The following LAMA1 variants were observed in gnomAD, a reference collection of about 807,000 sequenced individuals.
LAMA1 encodes the protein laminin subunit alpha-1.
Under a neutral mutation model 348.7 loss-of-function variants are expected in LAMA1, and 219 were observed. The observed-to-expected ratio is 0.63, with a 90% CI of 0.56 to 0.70. The LOEUF is 0.70. Ranked by LOEUF, LAMA1 falls within the 30% of genes least tolerant of loss-of-function variation. The pLI, the probability that LAMA1 is intolerant of heterozygous loss-of-function variation, is 0.00. For synonymous variants in LAMA1, 1,487 were observed against 1,491.0 expected (o/e 1.00, Z 0.06); for missense variants, 3,744 against 3,888.0 (o/e 0.96, Z 0.99).
At chr18:7,078,280 C>T (rs1280415669) in intron 3 of LAMA1, among the ~76,000 whole-genome samples, 2 of 151,130 alleles carry the variant, frequency 1.3e-5, no homozygotes, top group African/African-American at 4.9e-5. Context: ...CATTCTCCTG[C>T]CTCAGCCTCC....
rs145781920 is a variant in LAMA1 at position 6,978,234 on chromosome 18, C to T, written c.6152G>A (p.Arg2051Gln). 7.4e-4 allele frequency: 1,200 copies of T among 1,614,224 alleles called. 3 individuals are homozygous for T. The highest frequency in any genetic ancestry group is 9.6e-4 in the Non-Finnish European group (1,133 of 1,180,048). Residue 2051 changes from arginine to glutamine, a missense_variant, in exon 43 of 63, where the codon CGA (arginine) becomes CAA (glutamine). By Grantham distance (43) the Arg-to-Gln change is conservative. Transcript: ENST00000389658. ...ASLSRVNTTLRETHQLLQDST... is the reference protein window; with the variant it reads ...ASLSRVNTTLQETHQLLQDST... ...GTCCTGCAGAAGCTGGTGTGTCTCT[C>T]GTAATGTGGTGTTGACCCTGGACAG...
Position 6,971,872 on chromosome 18 carries a change from C to T in LAMA1, c.6884G>A (p.Arg2295His), listed in dbSNP as rs369777404. Residue 2295 changes from arginine to histidine, a missense_variant, in exon 48 of 63, where the codon CGT (arginine) becomes CAT (histidine). Physicochemically the swap from Arg to His is conservative, Grantham distance 29 (BLOSUM62 0). Coordinates refer to ENST00000389658, the MANE Select transcript of LAMA1 (RefSeq NM_005559.4). ...WNYIEREGKC[R>H]GCFGSSQNED... ...GACATCTTACCTTCCGAAGCACCCA[C>T]GGCACTTGCCTTCCCTTTCAATATA... 1.1e-5 allele frequency: 18 copies of T among 1,613,998 alleles called. No individual in the cohort carries two copies. The East Asian group carries it at 2.0e-4, about 18-fold the overall frequency.
intron 3 of LAMA1, among the ~76,000 whole-genome samples, chr18:7,068,503 A>G (rs1187519197): frequency 2.0e-5 from 3 of 152,232 alleles, no homozygotes; most frequent in Non-Finnish European, 4.4e-5. Context: ...GATATGATGC[A>G]ATGGAGCAAA....
At chr18:6,975,856 T>G (rs1046568593) in intron 45 of LAMA1, 81 bp downstream of exon 45, 1 of 1,563,390 alleles carries the variant, frequency 6.4e-7, no homozygotes, top group Admixed American at 1.7e-5. Context: ...CTATTTTTTT[T>G]TCGTCAAATA....
At chr18:7,036,220 A>C in intron 12 of LAMA1, 132 bp from the exon 13 acceptor site, 1 of 722,390 alleles carries the variant, frequency 1.4e-6, no homozygotes, top group Non-Finnish European at 2.5e-6. Flanking sequence ...ATGACAGACA[A>C]GGAAATTCAC....
intron 1 of LAMA1, among the ~76,000 whole-genome samples, chr18:7,087,937 T>C (rs1253432070): frequency 6.6e-6 from 1 of 152,244 alleles, no homozygotes; most frequent in Non-Finnish European, 1.5e-5. Flanking sequence ...GCTCTTATTA[T>C]GTTCATATTA....
chr18:7,046,177 A>G (rs1466103994), intron 6 of LAMA1, 101 bp downstream of exon 6: 3 of 769,592 alleles, frequency 3.9e-6, no homozygotes, highest in African/African-American at 3.5e-5. Context: ...GCATAATTTT[A>G]TACCTTTCAT....
At chr18:7,099,417 T>C (rs890837334) in intron 1 of LAMA1, among the ~76,000 whole-genome samples, 8 of 151,306 alleles carry the variant, frequency 5.3e-5, no homozygotes, top group African/African-American at 1.9e-4. Context: ...TATTGTCCTA[T>C]GACCCTGCCA....
chr18:6,945,422 C>T (rs1476395675), intron 61 of LAMA1, among the ~76,000 whole-genome samples: 1 of 152,070 alleles, frequency 6.6e-6, no homozygotes, highest in Non-Finnish European at 1.5e-5. Context: ...GGGGTCAAAA[C>T]CCAGCGGGGA....
At chr18:7,112,143 C>A (rs9956935) in intron 1 of LAMA1, among the ~76,000 whole-genome samples, 14,266 of 152,112 alleles carry the variant, frequency 0.094, 1,650 homozygotes, top group African/African-American at 0.28. Context: ...AGAAGTAGTA[C>A]AATGCCATGA....
intron 3 of LAMA1, 145 bp from the exon 4 acceptor site, chr18:7,051,081 T>C (rs1308743592): frequency 8.5e-6 from 9 of 1,054,352 alleles, no homozygotes; most frequent in Non-Finnish European, 1.1e-5. Context: ...TGCCATGAGG[T>C]GCGAGGAGAG....
intron 8 of LAMA1, chr18:7,042,691 T>G (rs2058025580): frequency 9.1e-6 from 2 of 219,880 alleles, no homozygotes; most frequent in Non-Finnish European, 1.8e-5. Context: ...GAGACCATCC[T>G]GGCCGACATG....
intron 57 of LAMA1, chr18:6,954,777 A>T: frequency 1.6e-5 from 3 of 185,712 alleles, no homozygotes; most frequent in South Asian, 1.1e-4. Context: ...CAAGACGGGC[A>T]GGGCATGGCA....
At chr18:6,991,237 A>G (rs1325745063) in intron 36 of LAMA1, among the ~76,000 whole-genome samples, 1 of 152,102 alleles carries the variant, frequency 6.6e-6, no homozygotes, top group Non-Finnish European at 1.5e-5. Context: ...ATTATGCTCT[A>G]TGATGAAAAA....
chr18:7,032,213 G>A (rs772982079), intron 15 of LAMA1, 37 bp from the exon 16 acceptor site: 38 of 1,393,122 alleles, frequency 2.7e-5, no homozygotes, highest in Middle Eastern at 1.8e-4. Flanking sequence ...TTTCCACTAC[G>A]TTACAAACAG....
intron 16 of LAMA1, 142 bp downstream of exon 16, chr18:7,031,924 G>A: frequency 3.2e-6 from 2 of 626,728 alleles, no homozygotes; most frequent in East Asian, 2.8e-5. Flanking sequence ...CATGACATGA[G>A]CTTAAATCTG....
At chr18:6,954,943 G>T in intron 57 of LAMA1, 1 of 323,768 alleles carries the variant, frequency 3.1e-6, no homozygotes, top group South Asian at 2.7e-5. Context: ...GGTGCAGAGA[G>T]GGGTGGGTGT....
At chr18:7,074,832 T>C (rs1325076753) in intron 3 of LAMA1, among the ~76,000 whole-genome samples, 1 of 128,860 alleles carries the variant, frequency 7.8e-6, no homozygotes, top group Admixed American at 7.8e-5. Context: ...ATTATTCCTC[T>C]TGTAATACAT....
At chr18:7,101,241 G>A (rs558128050) in intron 1 of LAMA1, among the ~76,000 whole-genome samples, 158 of 152,230 alleles carry the variant, frequency 1.0e-3, no homozygotes, top group African/African-American at 3.8e-3. Context: ...GAGGTTTAGG[G>A]TATGTAAATT....
Sources: allele counts gnomAD v4.1 joint callset (sites outside exome capture counted in the v4.1 genomes callset), GRCh38; gene constraint gnomAD v4.1.1; transcripts MANE v1.5; gene names NCBI Gene and HGNC (gene_info 2026-07-23, HGNC 2026-07-21).